Variants in FAM149A observed in about 807,000 individuals in gnomAD.
FAM149A encodes the protein family with sequence similarity 149 member A.
FAM149A carries 71 observed loss-of-function variants against 78.2 expected under a neutral mutation model. That is an observed-to-expected ratio of 0.91 (90% CI 0.75 to 1.11). The LOEUF (loss-of-function observed/expected upper bound fraction) is 1.11, where lower values mean the gene tolerates loss of function less well. FAM149A is among the 50% of genes least tolerant of loss of function. The pLI, the probability that FAM149A is intolerant of heterozygous loss-of-function variation, is 0.00. For missense variants in FAM149A, 1,036 were observed against 971.0 expected (o/e 1.07, Z -0.89); for synonymous variants, 446 against 410.5 (o/e 1.09, Z -1.04).
chr4:186,134,921 C>T (rs1213770586), intron 1 of FAM149A, among the ~76,000 whole-genome samples: 3 of 152,182 alleles, frequency 2.0e-5, no homozygotes, highest in Non-Finnish European at 4.4e-5. Context: ...TGACGCAGTT[C>T]CTGGGCTCAA....
At chr4:186,160,273 CAA>C (rs1561413602) in intron 8 of FAM149A, among the ~76,000 whole-genome samples, 1 of 146,112 alleles carries the variant, frequency 6.8e-6, no homozygotes, top group Non-Finnish European at 1.5e-5. Flanking sequence ...ACACCCGACA[CAA>C]ACACACCACA....
At chr4:186,126,293 C>G (rs772018126) in intron 1 of FAM149A, among the ~76,000 whole-genome samples, 18 of 152,306 alleles carry the variant, frequency 1.2e-4, no homozygotes, top group Admixed American at 3.3e-4. Flanking sequence ...TATTCACTCT[C>G]TCAGCTTCTC....
At chr4:186,151,776 C>G in intron 3 of FAM149A, 127 bp from the exon 4 acceptor site, 4 of 1,451,846 alleles carry the variant, frequency 2.8e-6, no homozygotes, top group Non-Finnish European at 3.7e-6. Context: ...TGCAAAGCCA[C>G]CATCTTTTTA....
rs764703223 is a variant in FAM149A at position 186,167,089 on chromosome 4, C to A, written c.2132C>A (p.Thr711Lys). ...TTGTCAAGGCCCAGCACAACCCACACGTTCCGGGTGGGTTCTCTGTTTCCT... is the reference window on the plus strand; with the variant it reads ...TTGTCAAGGCCCAGCACAACCCACAAGTTCCGGGTGGGTTCTCTGTTTCCT... The change falls in exon 12 of 14, where the codon ACG (threonine) becomes AAG (lysine). Residue 711 changes from threonine to lysine, a missense_variant. Thr to Lys is a moderately conservative substitution (Grantham distance 78). Coordinates refer to ENST00000389354, the MANE Select transcript of FAM149A (RefSeq NM_001367768.3). 3 of 1,613,138 alleles carry A rather than the reference C, an allele frequency of 1.9e-6. No homozygotes were observed. In the South Asian group the frequency reaches 3.3e-5, roughly 18 times the overall value.
In FAM149A at chr4:186,105,076, C is replaced by T; in HGVS notation, c.-1C>T. Reference sequence around the variant, plus strand: ...GAGGACGGCGTGTCCACTGTCGAGGCATGAAGGCTGCTGTGCTGGACCTTG... The same window carrying T: ...GAGGACGGCGTGTCCACTGTCGAGGTATGAAGGCTGCTGTGCTGGACCTTG... On this transcript the variant is annotated 5_prime_UTR_variant, in exon 1 of 14. Coordinates refer to ENST00000389354, the MANE Select transcript of FAM149A (RefSeq NM_001367768.3). 2 of 1,273,352 alleles carry T rather than the reference C, an allele frequency of 1.6e-6. No homozygotes were observed. Among genetic ancestry groups the T allele is most frequent in the Non-Finnish European group, 2.0e-6 (2 of 981,854 alleles). 78.9% of individuals were successfully genotyped at this position (1,273,352 alleles called of 1,614,324 possible).
intron 8 of FAM149A, chr4:186,158,674 C>T (rs375725064): frequency 2.2e-5 from 24 of 1,091,214 alleles, no homozygotes; most frequent in South Asian, 1.0e-4. Context: ...AGCCCCTGCA[C>T]GCACTGCTGC....
At chr4:186,165,685 C>A (rs527455209) in intron 11 of FAM149A, among the ~76,000 whole-genome samples, 169 of 152,274 alleles carry the variant, frequency 1.1e-3, no homozygotes, top group Admixed American at 3.3e-3. Context: ...AAAAGCATGT[C>A]TTGAACTAAA....
At chr4:186,149,149 C>T (rs1478768508) in intron 1 of FAM149A, 24 bp from the exon 2 acceptor site, 14 of 1,265,164 alleles carry the variant, frequency 1.1e-5, no homozygotes, top group Middle Eastern at 2.2e-4. Context: ...TAGGGAGACT[C>T]GTCATGTTTT....
chr4:186,166,242 C>T (rs1309272706), intron 11 of FAM149A, among the ~76,000 whole-genome samples: 2 of 152,206 alleles, frequency 1.3e-5, no homozygotes, highest in Admixed American at 1.3e-4. Flanking sequence ...AAAAACCCTA[C>T]CTGGGGCCAG....
intron 8 of FAM149A, among the ~76,000 whole-genome samples, chr4:186,162,554 C>T (rs1476647759): frequency 2.0e-5 from 3 of 152,312 alleles, no homozygotes; most frequent in African/African-American, 7.2e-5. Flanking sequence ...GGCGTTCCTA[C>T]CCCGTGCAGC....
chr4:186,157,627 C>A lies in FAM149A; in HGVS notation c.1483C>A (p.Pro495Thr), dbSNP rs138740503. ...AAACAGATTTCCGCACGTCCTCGTTCCACACGCTCACGCCGATGGAGCCAG... is the reference window on the plus strand; with the variant it reads ...AAACAGATTTCCGCACGTCCTCGTTACACACGCTCACGCCGATGGAGCCAG... The change falls in exon 8 of 14, where the codon CCA (proline) becomes ACA (threonine). Residue 495 changes from proline (P) to threonine (T), a missense_variant. Physicochemically the swap from Pro to Thr is conservative, Grantham distance 38 (BLOSUM62 -1). This residue lies in a region of FAM149A where 716 missense variants were observed against 711.8 expected (regional missense o/e 1.01). Transcript: ENST00000389354. 1.5e-5 allele frequency: 24 copies of A among 1,613,966 alleles called. No individual in the cohort carries two copies. Among genetic ancestry groups the A allele is most frequent in the South Asian group, 1.1e-4 (10 of 91,082 alleles).
Position 186,153,630 on chromosome 4 carries a change from T to C in FAM149A, c.933-15T>C. 6.2e-7 allele frequency: 1 copy of C among 1,602,156 alleles called. No homozygotes were observed. Among genetic ancestry groups the C allele is most frequent in the Non-Finnish European group, 8.5e-7 (1 of 1,170,644 alleles). On this transcript the variant is annotated splice_polypyrimidine_tract_variant and intron_variant, in intron 4 of 13. Transcript: ENST00000389354. ...TCTGATCAAAAATGTCAGTAGCTTC[T>C]CTTTGACCTCGCAGAGTATTAGGAA...
intron 3 of FAM149A, chr4:186,151,026 G>A (rs1733536747): frequency 1.0e-6 from 1 of 985,376 alleles, no homozygotes. Context: ...TTTAAAAGTG[G>A]TTCCCCACTC....
At chr4:186,170,366 C>T (rs1248098377) in intron 13 of FAM149A, among the ~76,000 whole-genome samples, 1 of 152,210 alleles carries the variant, frequency 6.6e-6, no homozygotes, top group East Asian at 1.9e-4. Flanking sequence ...AAATAAAACA[C>T]GGAGCAGATA....
In FAM149A at chr4:186,173,441, C is replaced by T. The variant is rs1014942352; in HGVS notation, c.*1454C>T. ...GATCTCGGCTCACTACAACCTCCAC[C>T]TCCTGGGCTCAAGCGATTCTCCTGC... is the stretch of plus-strand genomic sequence containing the variant. On this transcript the variant is annotated 3_prime_UTR_variant, in exon 14 of 14. Transcript: ENST00000389354. Among the ~76,000 whole-genome samples the T allele has an allele frequency of 5.6e-4, 62 of 111,682 alleles. 22 individuals carry two copies. Among genetic ancestry groups the T allele is most frequent in the Non-Finnish European group, 7.9e-4 (35 of 44,358 alleles). The allele number at this position is 111,682 out of a possible 152,430, so 73.3% of individuals were successfully genotyped here. A position where few individuals can be genotyped will look rare whatever the true frequency, so the allele number is the denominator to read the frequency against.
At chr4:186,162,632 C>T (rs186265968) in intron 8 of FAM149A, among the ~76,000 whole-genome samples, 21 of 152,240 alleles carry the variant, frequency 1.4e-4, no homozygotes, top group Admixed American at 1.1e-3. Context: ...GCTCAATGTC[C>T]CCACTGTTAG....
intron 1 of FAM149A, among the ~76,000 whole-genome samples, chr4:186,130,312 T>TAA (rs2099320241): frequency 7.6e-6 from 1 of 131,512 alleles, no homozygotes; most frequent in Admixed American, 7.7e-5. Context: ...TATATATATA[T>TAA]ATAATCTATA....
intron 1 of FAM149A, chr4:186,125,306 T>C: frequency 1.0e-6 from 1 of 985,382 alleles, no homozygotes; most frequent in Non-Finnish European, 1.2e-6. Context: ...TCTCGAACCA[T>C]ATCTTTCTCG....
intron 1 of FAM149A, among the ~76,000 whole-genome samples, chr4:186,129,317 G>C (rs917016250): frequency 6.6e-5 from 10 of 152,134 alleles, no homozygotes; most frequent in African/African-American, 2.4e-5. Context: ...ATTGGTCAAG[G>C]ATTGACCAAA....
Sources: allele counts gnomAD v4.1 joint callset (sites outside exome capture counted in the v4.1 genomes callset), GRCh38; gene constraint gnomAD v4.1.1; regional missense constraint gnomAD v4.1.1; transcripts MANE v1.5; gene names NCBI Gene and HGNC (gene_info 2026-07-23, HGNC 2026-07-21).